Variants in KIF26B observed in about 807,000 individuals in gnomAD.
The protein encoded by KIF26B is kinesin family member 26B.
KIF26B carries 63 observed loss-of-function variants against 151.2 expected under a neutral mutation model. The observed-to-expected ratio is 0.42, with a 90% CI of 0.34 to 0.51. The LOEUF (loss-of-function observed/expected upper bound fraction) is 0.51, where lower values mean the gene tolerates loss of function less well. Among genes scored for constraint, KIF26B ranks in the 20% least tolerant of loss-of-function variants. KIF26B has a pLI of 0.07. For missense variants in KIF26B, 2,813 were observed against 2,913.6 expected (o/e 0.97, Z 0.79); for synonymous variants, 1,357 against 1,262.1 (o/e 1.08, Z -1.59).
At chr1:245,565,548 C>T (rs998352678) in intron 5 of KIF26B, among the ~76,000 whole-genome samples, 4 of 152,230 alleles carry the variant, frequency 2.6e-5, no homozygotes, top group African/African-American at 9.6e-5. Flanking sequence ...CCCGGGCCTC[C>T]CAAAGTGCTG....
At chr1:245,544,056 A>G (rs1661684184) in intron 5 of KIF26B, among the ~76,000 whole-genome samples, 1 of 152,136 alleles carries the variant, frequency 6.6e-6, no homozygotes. Context: ...CTGCCCTACC[A>G]TATGGTGCCA....
chr1:245,521,436 CT>C (rs1436748266), intron 4 of KIF26B, among the ~76,000 whole-genome samples: 1 of 151,960 alleles, frequency 6.6e-6, no homozygotes, highest in African/African-American at 2.4e-5. Context: ...TTAATATAAT[CT>C]GACAGGCTTG....
In KIF26B at chr1:245,218,515, T is replaced by C. The variant is rs1669695063; in HGVS notation, c.465+61832T>C. On this transcript the variant is annotated intron_variant, in intron 2 of 14. Coordinates refer to ENST00000407071, the MANE Select transcript of KIF26B (RefSeq NM_018012.4). The surrounding 1 kb of genome is among the most constrained non-coding windows in gnomAD (Gnocchi z 4.1). ...GTATTGGGTGTGGGGCCGATGGTTT[T>C]CACTCAATCCGCCGGGAGATCTGAA... 6.6e-6 allele frequency among the ~76,000 whole-genome samples: 1 copy of C among 152,128 alleles called. No individual in the cohort carries two copies. Among genetic ancestry groups the C allele is most frequent in the Non-Finnish European group, 1.5e-5 (1 of 68,030 alleles).
At chr1:245,471,893 G>A (rs1336005891) in intron 4 of KIF26B, among the ~76,000 whole-genome samples, 13 of 151,942 alleles carry the variant, frequency 8.6e-5, no homozygotes, top group African/African-American at 2.9e-4. Context: ...CCGGGTTCAA[G>A]TGATTCTCCT....
chr1:245,674,076 A>G (rs1320196168), intron 10 of KIF26B, among the ~76,000 whole-genome samples: 1 of 152,202 alleles, frequency 6.6e-6, no homozygotes, highest in Non-Finnish European at 1.5e-5. Context: ...AGGATGATTT[A>G]AAGTGGAAGG....
intron 2 of KIF26B, among the ~76,000 whole-genome samples, chr1:245,209,128 A>C (rs1408603163): frequency 5.9e-5 from 9 of 152,236 alleles, no homozygotes. Context: ...GGCCAGGCGC[A>C]GTGGCTCACG....
intron 4 of KIF26B, among the ~76,000 whole-genome samples, chr1:245,528,947 G>A (rs1397690465): frequency 6.6e-6 from 1 of 152,168 alleles, no homozygotes; most frequent in African/African-American, 2.4e-5. Context: ...ATAGAAAAGT[G>A]CAATGAGACA....
intron 2 of KIF26B, among the ~76,000 whole-genome samples, chr1:245,338,097 G>A (rs943623111): frequency 1.3e-5 from 2 of 152,142 alleles, no homozygotes; most frequent in Non-Finnish European, 2.9e-5. Flanking sequence ...TATGTCATGC[G>A]GCATGGAATG....
intron 2 of KIF26B, among the ~76,000 whole-genome samples, chr1:245,217,089 C>T (rs554920845): frequency 1.3e-5 from 2 of 152,260 alleles, no homozygotes; most frequent in South Asian, 4.2e-4. Context: ...CCATTACTGT[C>T]TCCTCATCTG....
intron 5 of KIF26B, among the ~76,000 whole-genome samples, chr1:245,570,098 GC>G (rs2043052817): frequency 6.6e-6 from 1 of 151,544 alleles, no homozygotes; most frequent in Non-Finnish European, 1.5e-5. Context: ...ACCACACCCG[GC>G]TAATTTTTTT....
intron 2 of KIF26B, among the ~76,000 whole-genome samples, chr1:245,188,090 G>A (rs1466524040): frequency 3.3e-5 from 5 of 152,038 alleles, no homozygotes. Context: ...GACCTGCTTA[G>A]CCGACATGGC....
intron 4 of KIF26B, among the ~76,000 whole-genome samples, chr1:245,420,706 C>T (rs1447601316): frequency 3.3e-5 from 5 of 152,370 alleles, no homozygotes; most frequent in Non-Finnish European, 7.3e-5. Flanking sequence ...GATACCTGCT[C>T]TGCAGGGTCG....
At chr1:245,586,380 T>C (rs1276118585) in intron 5 of KIF26B, among the ~76,000 whole-genome samples, 1 of 152,214 alleles carries the variant, frequency 6.6e-6, no homozygotes, top group East Asian at 1.9e-4. Flanking sequence ...AGCATTATTT[T>C]ACAGATGGAG....
chr1:245,431,455 C>T (rs1239299865), intron 4 of KIF26B, among the ~76,000 whole-genome samples: 7 of 152,108 alleles, frequency 4.6e-5, no homozygotes, highest in African/African-American at 1.7e-4. Context: ...GGCGATTCTC[C>T]TGCCTCAGCC....
intron 2 of KIF26B, among the ~76,000 whole-genome samples, chr1:245,361,861 G>A (rs1380919190): frequency 6.6e-6 from 1 of 152,032 alleles, no homozygotes; most frequent in Non-Finnish European, 1.5e-5. Flanking sequence ...TGAGCCGCTT[G>A]GGGACTTTAG....
intron 2 of KIF26B, among the ~76,000 whole-genome samples, chr1:245,301,130 C>T (rs370166846): frequency 4.6e-5 from 7 of 152,304 alleles, no homozygotes; most frequent in South Asian, 2.1e-4. Flanking sequence ...CACGCTCGGC[C>T]GAGGCACAAA....
chr1:245,494,321 A>ACAAG (rs948883604), intron 4 of KIF26B, among the ~76,000 whole-genome samples: 4 of 151,504 alleles, frequency 2.6e-5, no homozygotes, highest in African/African-American at 9.7e-5. Flanking sequence ...AAACAAACAA[A>ACAAG]CAAAAAACAA....
intron 2 of KIF26B, among the ~76,000 whole-genome samples, chr1:245,193,945 G>A (rs192348441): frequency 6.6e-6 from 1 of 152,190 alleles, no homozygotes; most frequent in African/African-American, 2.4e-5. Context: ...ACCATGGGGC[G>A]CTAGAAAATG....
At chr1:245,337,115 T>C (rs2102994006) in intron 2 of KIF26B, among the ~76,000 whole-genome samples, 1 of 152,120 alleles carries the variant, frequency 6.6e-6, no homozygotes, top group East Asian at 1.9e-4. Flanking sequence ...TTTGGGAGGA[T>C]GTGGAGAGCA....
Sources: allele counts gnomAD v4.1 joint callset (sites outside exome capture counted in the v4.1 genomes callset), GRCh38; gene constraint gnomAD v4.1.1; non-coding constraint Gnocchi (gnomAD v3.1); transcripts MANE v1.5; gene names NCBI Gene and HGNC (gene_info 2026-07-23, HGNC 2026-07-21).